The following NRG3 variants were observed in gnomAD, a reference collection of about 807,000 sequenced individuals.
NRG3 encodes pro-neuregulin-3, membrane-bound isoform.
In NRG3, 31 loss-of-function variants were observed where a neutral mutation model predicts 66.9. The observed-to-expected ratio is 0.46, with a 90% confidence interval of 0.35 to 0.63. The LOEUF (loss-of-function observed/expected upper bound fraction) is 0.63, where lower values mean the gene tolerates loss of function less well. Ranked by LOEUF, NRG3 falls within the 20% of genes least tolerant of loss-of-function variation. NRG3 has a pLI of 0.00. For missense variants in NRG3, 910 were observed against 878.9 expected, an observed-to-expected ratio of 1.04 and a Z score of -0.45; for synonymous variants, 393 against 359.4, an observed-to-expected ratio of 1.09 and a Z score of -1.06.
chr10:82,378,164 G>A (rs183834943), intron 2 of NRG3, among the ~76,000 whole-genome samples: 89 of 152,256 alleles, frequency 5.8e-4, no homozygotes, highest in Admixed American at 2.7e-3. Context: ...ATGAATTGGA[G>A]GAGTTTCTAC....
intron 1 of NRG3, among the ~76,000 whole-genome samples, chr10:82,167,110 A>C (rs1338815142): frequency 2.0e-5 from 3 of 151,960 alleles, no homozygotes; most frequent in Non-Finnish European, 4.4e-5. Context: ...ATTTTTTCAA[A>C]TGTGGCTTCT....
chr10:82,412,100 G>T (rs553959414), intron 2 of NRG3, among the ~76,000 whole-genome samples: 1 of 152,184 alleles, frequency 6.6e-6, no homozygotes, highest in African/African-American at 2.4e-5. Context: ...AAAAATGTCA[G>T]TAGTTGTGTC....
chr10:82,609,255 A>G (rs952107979), intron 2 of NRG3, among the ~76,000 whole-genome samples: 1 of 152,156 alleles, frequency 6.6e-6, no homozygotes, highest in African/African-American at 2.4e-5. Context: ...ATAATTTTGT[A>G]TTTAATTAGA....
At chr10:82,400,524 TG>T (rs201531670) in intron 2 of NRG3, among the ~76,000 whole-genome samples, 1,965 of 151,704 alleles carry the variant, frequency 0.013, 22 homozygotes, top group South Asian at 0.022. Flanking sequence ...ACAGAAAAGC[TG>T]GGGTTGAGAG....
intron 2 of NRG3, among the ~76,000 whole-genome samples, chr10:82,440,357 G>C (rs1401064181): frequency 8.2e-6 from 1 of 122,614 alleles, no homozygotes; most frequent in Non-Finnish European, 1.6e-5. Context: ...TAGTTTGCCT[G>C]TTTGATTTTT....
chr10:82,198,994 C>G, intron 1 of NRG3, among the ~76,000 whole-genome samples: 1 of 140,010 alleles, frequency 7.1e-6, no homozygotes. Flanking sequence ...ACGACTCCAT[C>G]TAAAAAAAAA....
chr10:82,652,547 G>T (rs11195424), intron 2 of NRG3, among the ~76,000 whole-genome samples: 63,983 of 151,886 alleles, frequency 0.42, 14,328 homozygotes, highest in Non-Finnish European at 0.51. Context: ...CTCCCCAATT[G>T]TAGCCTCCAA....
intron 1 of NRG3, among the ~76,000 whole-genome samples, chr10:82,110,763 A>G (rs2067337414): frequency 6.6e-6 from 1 of 152,126 alleles, no homozygotes; most frequent in Non-Finnish European, 1.5e-5. Flanking sequence ...TTAGATGTCT[A>G]CTAGACATCC....
At chr10:82,565,111 G>A (rs910309305) in intron 2 of NRG3, among the ~76,000 whole-genome samples, 3 of 152,118 alleles carry the variant, frequency 2.0e-5, no homozygotes, top group Admixed American at 6.6e-5. Context: ...GCAGCAGGAG[G>A]AGCAGACCTA....
intron 1 of NRG3, among the ~76,000 whole-genome samples, chr10:81,900,764 G>A (rs897688499): frequency 1.3e-5 from 2 of 152,180 alleles, no homozygotes; most frequent in Middle Eastern, 3.2e-3. Flanking sequence ...TAGATAATTG[G>A]AGAAAGTGCT....
chr10:82,659,872 C>A (rs970053862), intron 2 of NRG3, among the ~76,000 whole-genome samples: 1 of 151,812 alleles, frequency 6.6e-6, no homozygotes, highest in South Asian at 2.1e-4. Context: ...ATATAAGATG[C>A]CCACAGTTGC....
intron 1 of NRG3, among the ~76,000 whole-genome samples, chr10:82,240,495 G>C (rs766345079): frequency 1.4e-4 from 22 of 152,140 alleles, no homozygotes; most frequent in Non-Finnish European, 2.6e-4. Context: ...TAGAACTGAA[G>C]GGAAGATGAA....
chr10:82,984,864 T>A, intron 8 of NRG3: 2 of 1,475,558 alleles, frequency 1.4e-6, no homozygotes, highest in Non-Finnish European at 1.9e-6. Context: ...AGTAAGAAGA[T>A]CTGGGTTTGA....
At chr10:82,623,930 T>C (rs1294427713) in intron 2 of NRG3, among the ~76,000 whole-genome samples, 4 of 152,074 alleles carry the variant, frequency 2.6e-5, no homozygotes, top group African/African-American at 7.2e-5. Context: ...CCCAGAATGC[T>C]TCCTGTTGCC....
intron 1 of NRG3, among the ~76,000 whole-genome samples, chr10:82,219,930 T>C (rs1336296): frequency 0.11 from 16,853 of 151,974 alleles, 1,049 homozygotes; most frequent in Middle Eastern, 0.18. Context: ...CAATAAGATA[T>C]ACATACACAC....
intron 2 of NRG3, among the ~76,000 whole-genome samples, chr10:82,516,492 A>G (rs1845672460): frequency 6.6e-6 from 1 of 152,126 alleles, no homozygotes; most frequent in Non-Finnish European, 1.5e-5. Context: ...TGTATCTATC[A>G]TCCACACACA....
At position 82,890,421 on chromosome 10, in the gene NRG3, T is replaced by C. The variant is rs1414964253; in HGVS notation, c.1054+24984T>C. Among the ~76,000 whole-genome samples, 5 of 152,170 alleles carry C rather than the reference T, an allele frequency of 3.3e-5. No homozygotes were observed. In the East Asian group the frequency reaches 9.6e-4, roughly 29 times the overall value. ...CTTATTATGGTCTTTATTTTCATGCTTGTATTTAGCATTGTATCACCCGAA... is the reference window on the plus strand; with the variant it reads ...CTTATTATGGTCTTTATTTTCATGCCTGTATTTAGCATTGTATCACCCGAA... On this transcript the variant is annotated intron_variant, in intron 4 of 8. Coordinates refer to ENST00000372141, the MANE Select transcript of NRG3 (RefSeq NM_001010848.4).
chr10:82,133,073 C>G (rs1409058692), intron 1 of NRG3, among the ~76,000 whole-genome samples: 1 of 151,216 alleles, frequency 6.6e-6, no homozygotes, highest in Non-Finnish European at 1.5e-5. Flanking sequence ...CTGCTATATT[C>G]TTTATTATTT....
chr10:82,372,992 T>G (rs1247675815), intron 2 of NRG3, among the ~76,000 whole-genome samples: 2 of 152,244 alleles, frequency 1.3e-5, no homozygotes, highest in African/African-American at 4.8e-5. Context: ...CACTGATCAT[T>G]GTTGAATAAT....
Sources: allele counts gnomAD v4.1 joint callset (sites outside exome capture counted in the v4.1 genomes callset), GRCh38; gene constraint gnomAD v4.1.1; transcripts MANE v1.5; gene names NCBI Gene and HGNC (gene_info 2026-07-23, HGNC 2026-07-21).